Variants in PUM2 observed in about 807,000 individuals in gnomAD.
PUM2 encodes the protein pumilio homolog 2.
Under a neutral mutation model 124.5 loss-of-function variants are expected in PUM2, and 57 were observed. The ratio of observed to expected loss-of-function variants is 0.46; its 90% CI spans 0.37 to 0.57. The LOEUF (loss-of-function observed/expected upper bound fraction) is 0.57. Ranked by LOEUF, PUM2 falls within the 20% of genes least tolerant of loss-of-function variation. The probability of loss-of-function intolerance (pLI) is 0.00; values close to 1 mark genes in which losing one functional copy is unlikely to be tolerated. For missense variants in PUM2, 1,065 were observed against 1,290.6 expected (o/e 0.83, Z 2.68); for synonymous variants, 460 against 446.1 (o/e 1.03, Z -0.39).
intron 7 of PUM2, among the ~76,000 whole-genome samples, chr2:20,306,527 AAGGAAAGAGAGGCAAAAAG>A (rs1678339513): frequency 1.3e-5 from 2 of 152,070 alleles, no homozygotes; most frequent in South Asian, 4.1e-4. Flanking sequence ...GTGGGGAAAA[AAGGAAAGAGAGGCAAAAAG>A]AGGAAAGAAA....
chr2:20,324,227 A>G lies in PUM2; in HGVS notation c.51+3083T>C, dbSNP rs1683118743. ...TCAGTCAGTCTTACTCAAGGTCATA[A>G]CACTAGGGAGAGATCTAGGAGAAAA... On this transcript the variant is annotated intron_variant, in intron 2 of 20. Coordinates refer to ENST00000361078, the MANE Select transcript of PUM2 (RefSeq NM_015317.5). Among the ~76,000 whole-genome samples, 3 of 152,154 alleles carry G rather than the reference A, an allele frequency of 2.0e-5. No homozygotes were observed. The South Asian group carries it at 6.2e-4, about 31-fold the overall frequency.
intron 1 of PUM2, among the ~76,000 whole-genome samples, chr2:20,345,213 C>A (rs182229883): frequency 6.6e-6 from 1 of 151,588 alleles, no homozygotes; most frequent in African/African-American, 2.4e-5. Flanking sequence ...GACCTTCCCA[C>A]CTCATTCCCA....
At chr2:20,259,274 A>T (rs978436145) in intron 15 of PUM2, among the ~76,000 whole-genome samples, 3 of 152,166 alleles carry the variant, frequency 2.0e-5, no homozygotes, top group Non-Finnish European at 2.9e-5. Flanking sequence ...TCATGTTAAA[A>T]TTTTTTTTGT....
chr2:20,305,421 C>T (rs2148483906), intron 7 of PUM2, among the ~76,000 whole-genome samples: 1 of 134,700 alleles, frequency 7.4e-6, no homozygotes, highest in Non-Finnish European at 1.5e-5. Context: ...GAGGCTGTAC[C>T]ACTGCACTCC....
chr2:20,306,087 C>T (rs1678202037), intron 7 of PUM2, among the ~76,000 whole-genome samples: 1 of 152,074 alleles, frequency 6.6e-6, no homozygotes, highest in Non-Finnish European at 1.5e-5. Flanking sequence ...CACCTGTGGT[C>T]CCAGCTACTC....
intron 16 of PUM2, among the ~76,000 whole-genome samples, chr2:20,257,586 TCA>T (rs887524728): frequency 6.6e-6 from 1 of 152,280 alleles, no homozygotes; most frequent in Admixed American, 6.5e-5. Context: ...TAGTGTTGCT[TCA>T]CAGTGTATTT....
At chr2:20,258,137 A>G in intron 16 of PUM2, 106 bp downstream of exon 16, 1 of 1,066,440 alleles carries the variant, frequency 9.4e-7, no homozygotes, top group Non-Finnish European at 1.3e-6. Flanking sequence ...CTAGTTGTGG[A>G]AATATTTAAG....
intron 13 of PUM2, among the ~76,000 whole-genome samples, chr2:20,276,475 A>G (rs1036707879): frequency 6.6e-6 from 1 of 152,082 alleles, no homozygotes; most frequent in Admixed American, 6.6e-5. Flanking sequence ...GAATTGAGAG[A>G]ACTTATCTCT....
At chr2:20,294,918 A>G (rs1480640865) in intron 8 of PUM2, among the ~76,000 whole-genome samples, 1 of 152,206 alleles carries the variant, frequency 6.6e-6, no homozygotes, top group Non-Finnish European at 1.5e-5. Context: ...GATACTTTTA[A>G]AATATTTTAC....
At chr2:20,303,327 C>G (rs1223118555) in intron 7 of PUM2, among the ~76,000 whole-genome samples, 3 of 151,944 alleles carry the variant, frequency 2.0e-5, no homozygotes, top group Admixed American at 2.0e-4. Flanking sequence ...ACTGCTTGAG[C>G]CTGGGAGGTC....
At chr2:20,319,099 A>C (rs1203257924) in intron 2 of PUM2, among the ~76,000 whole-genome samples, 2 of 152,138 alleles carry the variant, frequency 1.3e-5, no homozygotes, top group African/African-American at 2.4e-5. Flanking sequence ...TGAAATTCAC[A>C]CCTCTTACTA....
intron 1 of PUM2, among the ~76,000 whole-genome samples, chr2:20,348,451 G>A (rs1266747037): frequency 1.3e-5 from 2 of 152,154 alleles, no homozygotes; most frequent in African/African-American, 4.8e-5. Context: ...GAGTTTAGGA[G>A]ACAGGAATCA....
chr2:20,333,588 T>C (rs926102807), intron 1 of PUM2, among the ~76,000 whole-genome samples: 2 of 151,942 alleles, frequency 1.3e-5, no homozygotes, highest in Non-Finnish European at 2.9e-5. Flanking sequence ...AGCAAGAAAA[T>C]GCATTAATAT....
At chr2:20,257,151 A>G (rs2148460750) in intron 16 of PUM2, among the ~76,000 whole-genome samples, 1 of 152,128 alleles carries the variant, frequency 6.6e-6, no homozygotes, top group South Asian at 2.1e-4. Flanking sequence ...TAAATATCAA[A>G]GACATTTTAA....
At chr2:20,294,716 TC>T (rs1165405977) in intron 8 of PUM2, among the ~76,000 whole-genome samples, 198 bp from the exon 9 acceptor site, 1 of 152,216 alleles carries the variant, frequency 6.6e-6, no homozygotes, top group Non-Finnish European at 1.5e-5. Flanking sequence ...CCTCAAGGAA[TC>T]CAACCTCAAG....
At chr2:20,264,112 G>A (rs534206630) in intron 13 of PUM2, among the ~76,000 whole-genome samples, 1 of 151,338 alleles carries the variant, frequency 6.6e-6, no homozygotes, top group South Asian at 2.1e-4. Context: ...GTCGAGGAGG[G>A]CGGATCACGA....
chr2:20,264,367 A>AAATATATATATATAT (rs1553362305), intron 13 of PUM2, among the ~76,000 whole-genome samples: 1 of 26,612 alleles, frequency 3.8e-5, no homozygotes, highest in Non-Finnish European at 6.9e-5. Flanking sequence ...AAAAAAAAAA[A>AAATATATATATATAT]ATATATATAT....
At chr2:20,319,997 G>A (rs1260242617) in intron 2 of PUM2, among the ~76,000 whole-genome samples, 1 of 152,196 alleles carries the variant, frequency 6.6e-6, no homozygotes. Flanking sequence ...GCCAGGAGAG[G>A]TGGCTCACAC....
intron 1 of PUM2, among the ~76,000 whole-genome samples, chr2:20,345,032 T>C (rs1361625664): frequency 2.0e-5 from 3 of 149,426 alleles, no homozygotes; most frequent in Non-Finnish European, 3.0e-5. Flanking sequence ...TTACCTCTTG[T>C]GGAAAGCTTT....
Sources: gnomAD v4.1 joint callset for allele counts (sites outside exome capture counted in the v4.1 genomes callset) on GRCh38, gnomAD v4.1.1 for gene constraint, MANE v1.5 for transcripts, NCBI Gene and HGNC (gene_info 2026-07-23, HGNC 2026-07-21) for gene names.